LEMD3: variants seen among roughly 807,000 people sequenced by gnomAD.
LEMD3 encodes the protein LEM domain containing 3.
LEMD3 carries 33 observed loss-of-function variants against 95.2 expected under a neutral mutation model. The observed-to-expected ratio is 0.35, with a 90% CI of 0.26 to 0.46. LEMD3 has a LOEUF of 0.46. LEMD3 is among the 20% of genes least tolerant of loss of function. The pLI, the probability that LEMD3 is intolerant of heterozygous loss-of-function variation, is 1.00. For synonymous variants in LEMD3, 525 were observed against 474.6 expected (o/e 1.11, Z -1.38); for missense variants, 1,210 against 1,192.8 (o/e 1.01, Z -0.21).
chr12:65,238,817 A>C lies in LEMD3; in HGVS notation c.1921+3A>C. The C allele has an allele frequency of 6.2e-7, 1 of 1,613,928 alleles. No individual in the cohort carries two copies. Among genetic ancestry groups the C allele is most frequent in the Non-Finnish European group, 8.5e-7 (1 of 1,179,878 alleles). The stretch of plus-strand genomic sequence containing the variant: ...CAGATTATTGTTGTTATGCTTAGGT[A>C]AGTTGTAAAGATAAGAAATGAGATA... On this transcript the variant is annotated splice_donor_region_variant and intron_variant, in intron 6 of 12. Transcript: ENST00000308330.
intron 1 of LEMD3, among the ~76,000 whole-genome samples, chr12:65,181,430 C>G (rs561821440): frequency 3.9e-5 from 6 of 152,302 alleles, no homozygotes; most frequent in African/African-American, 1.4e-4. Flanking sequence ...ACTCTCCCCA[C>G]GCTTTGGCTG....
intron 4 of LEMD3, among the ~76,000 whole-genome samples, chr12:65,229,985 T>TAA (rs1369736841): frequency 2.6e-5 from 4 of 152,204 alleles, no homozygotes; most frequent in African/African-American, 9.7e-5. Context: ...TTTGAGTTGA[T>TAA]TTTTGTGTAT....
intron 1 of LEMD3, among the ~76,000 whole-genome samples, chr12:65,176,209 T>C (rs1868714902): frequency 6.6e-6 from 1 of 152,188 alleles, no homozygotes; most frequent in African/African-American, 2.4e-5. Context: ...ACACAATGGC[T>C]TTCTCTTAGT....
At chr12:65,174,985 G>T (rs1868670471) in intron 1 of LEMD3, among the ~76,000 whole-genome samples, 1 of 152,148 alleles carries the variant, frequency 6.6e-6, no homozygotes, top group South Asian at 2.1e-4. Context: ...CTTTGATCAG[G>T]AGAAGAGCAT....
Position 65,241,026 on chromosome 12 carries a change from C to G in LEMD3, c.2244C>G (p.Ile748Met). The G allele has an allele frequency of 3.1e-6, 5 of 1,613,930 alleles. No homozygotes were observed. Among genetic ancestry groups the G allele is most frequent in the African/African-American group, 1.3e-5 (1 of 75,022 alleles). ...GGADFLVWRW[I>M]QPSASCDKIL... ...CAGATTTTCTGGTTTGGCGGTGGAT[C>G]CAGCCTTCTGCATCCTGTGACAAAA... Residue 748 changes from isoleucine (I) to methionine (M), a missense_variant, in exon 9 of 13, where the codon ATC becomes ATG. Ile to Met is a conservative substitution (Grantham distance 10, BLOSUM62 1). Transcript: ENST00000308330.
chr12:65,243,969 A>G (rs1435916947), intron 10 of LEMD3, among the ~76,000 whole-genome samples: 2 of 152,226 alleles, frequency 1.3e-5, no homozygotes, highest in Non-Finnish European at 2.9e-5. Flanking sequence ...TATAATTCCA[A>G]CAACATATGC....
chr12:65,172,692 G>A (rs997813247), intron 1 of LEMD3, among the ~76,000 whole-genome samples: 4 of 151,466 alleles, frequency 2.6e-5, no homozygotes, highest in Non-Finnish European at 5.9e-5. Context: ...ATCTGCATCT[G>A]TGTCTCTAAC....
chr12:65,179,660 C>T (rs988552786), intron 1 of LEMD3, among the ~76,000 whole-genome samples: 2 of 152,156 alleles, frequency 1.3e-5, no homozygotes, highest in Non-Finnish European at 2.9e-5. Flanking sequence ...CTAATGCATG[C>T]TGGGCTTAAT....
At chr12:65,244,283 ACACC>A (rs1223422013) in intron 10 of LEMD3, among the ~76,000 whole-genome samples, 1 of 125,760 alleles carries the variant, frequency 8.0e-6, no homozygotes, top group Admixed American at 7.9e-5. Context: ...ACACACACAC[ACACC>A]CCCCCCACAC....
rs373577886 is a variant in LEMD3 at position 65,240,210 on chromosome 12, C to T, written c.2098C>T (p.Arg700Cys). 33 of 1,612,918 alleles carry T rather than the reference C, an allele frequency of 2.0e-5. No individual in the cohort carries two copies. The highest frequency in any genetic ancestry group is 1.0e-4 in the Admixed American group (6 of 59,988). The change falls in exon 8 of 13, where the codon CGC becomes TGC. Residue 700 changes from arginine (R) to cysteine (C), a missense_variant. By Grantham distance (180) the Arg-to-Cys change is radical (BLOSUM62 -3). This residue lies in a region of LEMD3 where 461 missense variants were observed against 569.8 expected (regional missense o/e 0.81). Coordinates refer to ENST00000308330, the MANE Select transcript of LEMD3 (RefSeq NM_014319.5). ...LQPYMPIPHV[R>C]DSLIQPHDRK... ...ACCTTACATGCCTATTCCACATGTA[C>T]GCGATTCCTTAATACAGCCTCATGA...
chr12:65,192,701 A>G (rs1429489073), intron 1 of LEMD3, among the ~76,000 whole-genome samples: 1 of 152,212 alleles, frequency 6.6e-6, no homozygotes, highest in Non-Finnish European at 1.5e-5. Flanking sequence ...GGACATGATT[A>G]CTAACAGACC....
intron 1 of LEMD3, among the ~76,000 whole-genome samples, chr12:65,208,788 G>A (rs978099021): frequency 1.3e-5 from 2 of 151,868 alleles, no homozygotes; most frequent in Non-Finnish European, 2.9e-5. Context: ...GAGCATTTGG[G>A]GAAAAAAATT....
At chr12:65,196,518 A>G in intron 1 of LEMD3, among the ~76,000 whole-genome samples, 1 of 151,106 alleles carries the variant, frequency 6.6e-6, no homozygotes, top group East Asian at 1.9e-4. Flanking sequence ...AAATTGGCTG[A>G]CGTTCCAGAT....
intron 4 of LEMD3, among the ~76,000 whole-genome samples, chr12:65,235,817 A>T (rs943044850): frequency 6.6e-6 from 1 of 152,168 alleles, no homozygotes; most frequent in Admixed American, 6.5e-5. Context: ...AGCTCTCATC[A>T]TGATTATTTC....
At chr12:65,188,443 G>C (rs1425533492) in intron 1 of LEMD3, among the ~76,000 whole-genome samples, 1 of 152,172 alleles carries the variant, frequency 6.6e-6, no homozygotes, top group East Asian at 1.9e-4. Flanking sequence ...TGGGCAGTGA[G>C]CTTTTATAGG....
At position 65,193,646 on chromosome 12, in the gene LEMD3, G is replaced by T. The variant is rs189022535; in HGVS notation, c.1523-17280G>T. Among the ~76,000 whole-genome samples, 281 of 151,976 alleles carry T rather than the reference G, an allele frequency of 1.8e-3. 1 individual carries two copies. Among genetic ancestry groups the T allele is most frequent in the African/African-American group, 6.6e-3 (274 of 41,418 alleles). Reference sequence around the variant, plus strand: ...TGTTTCTGTTTACTGGGAGACTGCGGATCCCTGGCTCTGGCTGCAACCAAT... The same window carrying T: ...TGTTTCTGTTTACTGGGAGACTGCGTATCCCTGGCTCTGGCTGCAACCAAT... On this transcript the variant is annotated intron_variant, in intron 1 of 12. Transcript: ENST00000308330.
chr12:65,233,072 A>G (rs1429066180), intron 4 of LEMD3, among the ~76,000 whole-genome samples: 2 of 152,142 alleles, frequency 1.3e-5, no homozygotes, highest in Non-Finnish European at 2.9e-5. Context: ...GGTACTTTCT[A>G]TATGTTAATT....
intron 1 of LEMD3, among the ~76,000 whole-genome samples, chr12:65,195,010 A>G (rs1303010627): frequency 6.6e-6 from 1 of 151,972 alleles, no homozygotes; most frequent in Non-Finnish European, 1.5e-5. Context: ...TTGGAGGTTG[A>G]AGGCAAGATG....
intron 1 of LEMD3, among the ~76,000 whole-genome samples, chr12:65,179,169 TTCTTTC>T (rs1189384654): frequency 1.3e-5 from 2 of 152,168 alleles, no homozygotes; most frequent in African/African-American, 2.4e-5. Flanking sequence ...TTACAACTTG[TTCTTTC>T]TGTTGTTCAT....
Sources: gnomAD v4.1 joint callset for allele counts (sites outside exome capture counted in the v4.1 genomes callset) on GRCh38, gnomAD v4.1.1 for gene constraint, gnomAD v4.1.1 regional missense constraint, MANE v1.5 for transcripts, NCBI Gene and HGNC (gene_info 2026-07-23, HGNC 2026-07-21) for gene names.